Variants in C11orf65 observed in about 807,000 individuals in gnomAD.
The protein encoded by C11orf65 is chromosome 11 open reading frame 65.
C11orf65 carries 38 observed loss-of-function variants against 35.3 expected under a neutral mutation model. The ratio of observed to expected loss-of-function variants is 1.08; its 90% CI spans 0.83 to 1.41. The LOEUF (loss-of-function observed/expected upper bound fraction) is 1.41. C11orf65 is among the 40% of genes most tolerant of loss of function. The pLI, the probability that C11orf65 is intolerant of heterozygous loss-of-function variation, is 0.00. For synonymous variants in C11orf65, 105 were observed against 114.4 expected, an observed-to-expected ratio of 0.92 and a Z score of 0.53; for missense variants, 370 against 367.1, an observed-to-expected ratio of 1.01 and a Z score of -0.06.
chr11:108,431,022 T>A (rs996402214), intron 3 of C11orf65, among the ~76,000 whole-genome samples: 2 of 152,054 alleles, frequency 1.3e-5, no homozygotes, highest in Middle Eastern at 3.2e-3. Flanking sequence ...CAATATTATG[T>A]ATTGGTGAGA....
chr11:108,423,963 A>T (rs2092860849), intron 3 of C11orf65, among the ~76,000 whole-genome samples: 1 of 152,228 alleles, frequency 6.6e-6, no homozygotes, highest in African/African-American at 2.4e-5. Flanking sequence ...AACAGGCACT[A>T]AAAGGCAGAA....
At position 108,316,189 on chromosome 11, in the gene C11orf65, T is replaced by TAA. The variant is rs1017200618; in HGVS notation, c.641-7119_641-7118insTT. The TAA allele has an allele frequency of 2.0e-5, 26 of 1,309,056 alleles. 1 individual carries two copies. The African/African-American group carries it at 3.2e-4, about 16-fold the overall frequency. The allele number at this position is 1,309,056 out of a possible 1,614,324, so 81.1% of individuals were successfully genotyped here. On this transcript the variant is annotated intron_variant, in intron 6 of 6. Transcript: ENST00000525729. ...TTATTTCAGTATGTTGGTGGATATT[T>TAA]ACACAGCCAGATAAACTCTAGAGAT...
intron 2 of C11orf65, among the ~76,000 whole-genome samples, chr11:108,338,985 C>T (rs1173913807): frequency 6.6e-6 from 1 of 152,194 alleles, no homozygotes; most frequent in Non-Finnish European, 1.5e-5. Context: ...CATACATTGA[C>T]TACCTGGAAC....
intron 3 of C11orf65, among the ~76,000 whole-genome samples, chr11:108,424,098 C>T (rs1389943027): frequency 2.0e-5 from 3 of 152,122 alleles, no homozygotes; most frequent in African/African-American, 7.2e-5. Flanking sequence ...AGGTGGATAA[C>T]AAACTCCTCC....
chr11:108,315,936 G>A (rs769865854), intron 6 of C11orf65: 9 of 1,606,172 alleles, frequency 5.6e-6, no homozygotes, highest in Admixed American at 5.0e-5. Context: ...TCTAAACAAC[G>A]GTATAGTAAT....
intron 2 of C11orf65, among the ~76,000 whole-genome samples, chr11:108,360,697 A>T: frequency 6.8e-6 from 1 of 146,028 alleles, no homozygotes. Context: ...GACAAAAACC[A>T]CATGATTATC....
chr11:108,376,387 C>T (rs983249805), intron 2 of C11orf65, among the ~76,000 whole-genome samples: 1 of 152,096 alleles, frequency 6.6e-6, no homozygotes, highest in African/African-American at 2.4e-5. Flanking sequence ...GGGTACAGTA[C>T]ATAACGAAAT....
At chr11:108,357,439 C>A (rs1180687118) in intron 2 of C11orf65, among the ~76,000 whole-genome samples, 1 of 152,238 alleles carries the variant, frequency 6.6e-6, no homozygotes, top group East Asian at 1.9e-4. Context: ...GGGTGGAACC[C>A]ACCACAGCTC....
In C11orf65 at chr11:108,310,161, C is replaced by A. The variant is rs587781865; in HGVS notation, c.641-1090G>T. The stretch of plus-strand genomic sequence containing the variant: ...ACATTATATCTCATTTTTCTTTAGA[C>A]CTTCTTCAGGAACAATTTTTAATGA... On this transcript the variant is annotated intron_variant, in intron 6 of 6. Transcript: ENST00000525729. 6.2e-7 allele frequency: 1 copy of A among 1,612,798 alleles called. No individual in the cohort carries two copies. The highest frequency in any genetic ancestry group is 8.5e-7 in the Non-Finnish European group (1 of 1,179,304).
chr11:108,466,452 CAGTCACAGCTACTCGG>C (rs2093539423), intron 1 of C11orf65, among the ~76,000 whole-genome samples: 1 of 152,106 alleles, frequency 6.6e-6, no homozygotes, highest in Non-Finnish European at 1.5e-5. Flanking sequence ...CGCACACTTG[CAGTCACAGCTACTCGG>C]AAGGCTGAGG....
intron 7 of C11orf65, among the ~76,000 whole-genome samples, chr11:108,391,010 CT>C (rs1173961863): frequency 2.6e-5 from 4 of 151,506 alleles, no homozygotes; most frequent in Non-Finnish European, 4.4e-5. Context: ...CTTGATCATT[CT>C]TCCCCCTTTT....
rs988139483 is a variant in C11orf65 at position 108,393,203 on chromosome 11, C to T, written c.731+5G>A. On this transcript the variant is annotated splice_donor_5th_base_variant and intron_variant, in intron 7 of 8. Coordinates refer to ENST00000393084, the MANE Select transcript of C11orf65 (RefSeq NM_152587.5). ...TGTTCCCCAAGAATAGCAACATGTA[C>T]TTACTCATCAAAGTTCAGTGTATTT... 6.2e-7 allele frequency: 1 copy of T among 1,612,980 alleles called. No homozygotes were observed. Among genetic ancestry groups the T allele is most frequent in the Non-Finnish European group, 8.5e-7 (1 of 1,179,408 alleles).
intron 8 of C11orf65, among the ~76,000 whole-genome samples, chr11:108,384,261 G>GTAGAGGGA (rs531160138): frequency 6.6e-6 from 1 of 152,204 alleles, no homozygotes; most frequent in Non-Finnish European, 1.5e-5. Context: ...CTGTAGAGGG[G>GTAGAGGGA]TGAAGGCAAC....
chr11:108,332,755 T>G lies in C11orf65; in HGVS notation c.300-1188A>C. On this transcript the variant is annotated intron_variant, in intron 3 of 3. Coordinates refer to the C11orf65 transcript ENST00000524755. Reference sequence around the variant, plus strand: ...CTTATGTAATGTTTTTTGTTTTTTATTAATAGGATCGAACAGAGGCTGCAA... The same window carrying G: ...CTTATGTAATGTTTTTTGTTTTTTAGTAATAGGATCGAACAGAGGCTGCAA... 1 of 1,611,662 alleles carries G rather than the reference T, an allele frequency of 6.2e-7. No individual in the cohort carries two copies. The highest frequency in any genetic ancestry group is 8.5e-7 in the Non-Finnish European group (1 of 1,179,440).
At chr11:108,403,792 TA>T (rs1441364539) in intron 6 of C11orf65, among the ~76,000 whole-genome samples, 1 of 152,258 alleles carries the variant, frequency 6.6e-6, no homozygotes, top group Non-Finnish European at 1.5e-5. Flanking sequence ...TGTTGAAAAT[TA>T]ATTAACAATA....
At chr11:108,453,426 G>C (rs2093376160) in intron 2 of C11orf65, among the ~76,000 whole-genome samples, 2 of 151,760 alleles carry the variant, frequency 1.3e-5, no homozygotes, top group South Asian at 2.1e-4. Context: ...AATATAAATG[G>C]TCTAAACATG....
intron 2 of C11orf65, among the ~76,000 whole-genome samples, chr11:108,351,794 G>C (rs2089233479): frequency 6.6e-6 from 1 of 152,070 alleles, no homozygotes; most frequent in Non-Finnish European, 1.5e-5. Flanking sequence ...CCTGTTTCTG[G>C]GACTCCAGTA....
exon 7 of C11orf65, chr11:108,308,882 G>T: frequency 1.4e-6 from 1 of 713,492 alleles, no homozygotes; most frequent in Non-Finnish European, 2.4e-6. Context: ...ATCTTCTGAG[G>T]AGGCCTATCA....
chr11:108,357,397 T>G (rs1450903852), intron 2 of C11orf65, among the ~76,000 whole-genome samples: 5 of 152,186 alleles, frequency 3.3e-5, no homozygotes, highest in Non-Finnish European at 7.3e-5. Flanking sequence ...CAGGCTTGAT[T>G]AGGTAAACAA....
Sources: allele counts gnomAD v4.1 joint callset (sites outside exome capture counted in the v4.1 genomes callset), GRCh38; gene constraint gnomAD v4.1.1; transcripts MANE v1.5; gene names NCBI Gene and HGNC (gene_info 2026-07-23, HGNC 2026-07-21).